Variants in CPNE4 observed in about 807,000 individuals in gnomAD.
CPNE4 encodes the protein copine-4.
A neutral mutation model predicts 67.9 loss-of-function variants in CPNE4; 25 were observed. That is an observed-to-expected ratio of 0.37 (90% confidence interval 0.27 to 0.51). The LOEUF (loss-of-function observed/expected upper bound fraction) is 0.51, where lower values mean the gene tolerates loss of function less well. Ranked by LOEUF, CPNE4 falls within the 20% of genes least tolerant of loss-of-function variation. CPNE4 has a pLI of 0.93. For synonymous variants in CPNE4, 242 were observed against 244.9 expected (o/e 0.99, Z 0.11); for missense variants, 464 against 690.8 (o/e 0.67, Z 3.68).
At chr3:131,880,881 C>T (rs570797157) in intron 2 of CPNE4, among the ~76,000 whole-genome samples, 1 of 152,160 alleles carries the variant, frequency 6.6e-6, no homozygotes, top group Non-Finnish European at 1.5e-5. Context: ...GCTTAGCCAA[C>T]AAGTTGGCCC....
chr3:131,845,573 T>C (rs1383200810), intron 2 of CPNE4, among the ~76,000 whole-genome samples: 1 of 152,144 alleles, frequency 6.6e-6, no homozygotes, highest in Non-Finnish European at 1.5e-5. Context: ...TGCCATACCT[T>C]TGAGAACCCA....
chr3:131,627,556 C>T (rs150248819), intron 7 of CPNE4, among the ~76,000 whole-genome samples: 11 of 152,246 alleles, frequency 7.2e-5, no homozygotes, highest in African/African-American at 2.6e-4. Context: ...TAAGGCATAC[C>T]TGCTATAGAT....
intron 2 of CPNE4, among the ~76,000 whole-genome samples, chr3:131,756,851 G>C: frequency 6.6e-6 from 1 of 152,174 alleles, no homozygotes; most frequent in East Asian, 1.9e-4. Flanking sequence ...AATCATGAGG[G>C]CTGGTATTTC....
chr3:131,879,122 GT>G (rs1452051257), intron 2 of CPNE4, among the ~76,000 whole-genome samples: 6 of 150,846 alleles, frequency 4.0e-5, no homozygotes, highest in Admixed American at 2.0e-4. Context: ...AAGGGTGTGT[GT>G]GTGTGCGTGC....
chr3:131,787,164 A>G (rs2083589097), intron 2 of CPNE4, among the ~76,000 whole-genome samples: 2 of 152,166 alleles, frequency 1.3e-5, no homozygotes, highest in African/African-American at 4.8e-5. Context: ...TTAAGTTTTT[A>G]TAGACACCTT....
chr3:131,826,194 TTTTC>T (rs2085152483), intron 2 of CPNE4, among the ~76,000 whole-genome samples: 1 of 140,594 alleles, frequency 7.1e-6, no homozygotes, highest in Admixed American at 6.9e-5. Flanking sequence ...TCTTTTTCTT[TTTTC>T]TTTTTTTGTT....
intron 3 of CPNE4, among the ~76,000 whole-genome samples, chr3:131,715,504 G>C (rs1017936566): frequency 3.9e-5 from 6 of 152,216 alleles, no homozygotes; most frequent in African/African-American, 1.4e-4. Flanking sequence ...ACAACTTGCT[G>C]TGTGACCTTG....
At chr3:131,980,933 T>G (rs958322420) in intron 1 of CPNE4, among the ~76,000 whole-genome samples, 4 of 152,200 alleles carry the variant, frequency 2.6e-5, no homozygotes, top group African/African-American at 9.6e-5. Context: ...CGGCTTCCTG[T>G]GAGCCAAACT....
intron 2 of CPNE4, among the ~76,000 whole-genome samples, chr3:131,775,001 A>G (rs1477025020): frequency 2.0e-5 from 3 of 152,188 alleles, no homozygotes; most frequent in Non-Finnish European, 2.9e-5. Context: ...GAGGGAAAAC[A>G]AAACCCAAGA....
At chr3:131,829,042 G>A (rs2085272325) in intron 2 of CPNE4, among the ~76,000 whole-genome samples, 1 of 152,190 alleles carries the variant, frequency 6.6e-6, no homozygotes, top group Admixed American at 6.5e-5. Context: ...GGAAGGTGAG[G>A]AGGAGCAAGT....
chr3:131,754,633 G>A (rs1399546422), intron 2 of CPNE4, among the ~76,000 whole-genome samples: 2 of 152,092 alleles, frequency 1.3e-5, no homozygotes, highest in Non-Finnish European at 2.9e-5. Flanking sequence ...TACATTTAGG[G>A]ACCATGTTGT....
At chr3:131,700,017 G>T in intron 3 of CPNE4, 37 bp from the exon 4 acceptor site, 1 of 1,047,578 alleles carries the variant, frequency 9.5e-7, no homozygotes, top group Non-Finnish European at 1.4e-6. Context: ...AAAAGGTAGA[G>T]ATACTAGTCA....
At chr3:131,585,436 G>A (rs748270002) in intron 8 of CPNE4, among the ~76,000 whole-genome samples, 54 of 152,232 alleles carry the variant, frequency 3.5e-4, no homozygotes, top group Admixed American at 2.1e-3. Context: ...CAGTGGCTGG[G>A]TAGTTAAACT....
intron 2 of CPNE4, among the ~76,000 whole-genome samples, chr3:131,766,646 T>C (rs1265027533): frequency 3.3e-5 from 5 of 152,102 alleles, no homozygotes; most frequent in Admixed American, 3.3e-4. Flanking sequence ...GAATGTCCAA[T>C]ATGATGTCTC....
chr3:131,737,344 G>C (rs949165325), intron 2 of CPNE4, among the ~76,000 whole-genome samples: 2 of 151,614 alleles, frequency 1.3e-5, no homozygotes, highest in African/African-American at 2.4e-5. Context: ...GGATGGTCTC[G>C]AGTGTCGTGT....
At chr3:131,722,446 C>CA (rs201342727) in intron 3 of CPNE4, among the ~76,000 whole-genome samples, 1 of 151,766 alleles carries the variant, frequency 6.6e-6, no homozygotes, top group Non-Finnish European at 1.5e-5. Flanking sequence ...ACCCCATACC[C>CA]CCCCACGTTT....
At chr3:131,693,242 G>T (rs1252355429) in intron 5 of CPNE4, among the ~76,000 whole-genome samples, 1 of 152,106 alleles carries the variant, frequency 6.6e-6, no homozygotes, top group Non-Finnish European at 1.5e-5. Context: ...CAAACTTTTG[G>T]TCTTAAGACC....
intron 1 of CPNE4, among the ~76,000 whole-genome samples, chr3:132,006,167 T>C (rs1039350473): frequency 6.6e-6 from 1 of 152,058 alleles, no homozygotes; most frequent in Non-Finnish European, 1.5e-5. Flanking sequence ...TCCTTCTATT[T>C]AAGGAAAGTG....
intron 2 of CPNE4, among the ~76,000 whole-genome samples, chr3:131,807,492 T>C (rs534493840): frequency 1.3e-5 from 2 of 152,318 alleles, no homozygotes; most frequent in East Asian, 1.9e-4. Flanking sequence ...CTCTTATTAA[T>C]GGACATCTAT....
Sources: gnomAD v4.1 joint callset for allele counts (sites outside exome capture counted in the v4.1 genomes callset) on GRCh38, gnomAD v4.1.1 for gene constraint, MANE v1.5 for transcripts, NCBI Gene and HGNC (gene_info 2026-07-23, HGNC 2026-07-21) for gene names.